Variants in TUBB8 observed in about 807,000 individuals in gnomAD.
TUBB8 encodes the protein tubulin beta-8 chain.
Under a neutral mutation model 33.7 loss-of-function variants are expected in TUBB8, and 25 were observed. The observed-to-expected ratio is 0.74, with a 90% CI of 0.54 to 1.04. The LOEUF (loss-of-function observed/expected upper bound fraction) is 1.04. Among genes scored for constraint, TUBB8 ranks in the 50% least tolerant of loss-of-function variants. The pLI is 0.00. For missense variants in TUBB8, 279 were observed against 608.0 expected, an observed-to-expected ratio of 0.46 and a Z score of 5.69; for synonymous variants, 245 against 240.1, an observed-to-expected ratio of 1.02 and a Z score of -0.19.
rs150779790 is a variant in TUBB8, at chr10:47,966, C to A, written c.426G>T (p.Gly142=). ...GAAGGGTACCCATCCCAGACCCAGT[C>A]CCCCCACCCAGGGAGTGGGTCAGCT... ...GFQLTHSLGG[G]TGSGMGTLLL... Residue 142 remains glycine, a synonymous_variant, in exon 4 of 4, where the codon GGG becomes GGT. Transcript: ENST00000568584. The A allele has an allele frequency of 6.9e-5, 111 of 1,614,082 alleles. No individual in the cohort carries two copies. The African/African-American group carries it at 1.3e-3, about 19-fold the overall frequency.
chr10:67,447 T>TG (rs1325447440), intron 1 of TUBB8, among the ~76,000 whole-genome samples: 4 of 152,176 alleles, frequency 2.6e-5, no homozygotes, highest in Non-Finnish European at 4.4e-5. Context: ...TTTCCAGAGA[T>TG]GGGGTCTCAC....
chr10:61,815 C>T (rs781858061), intron 1 of TUBB8, among the ~76,000 whole-genome samples: 3 of 139,304 alleles, frequency 2.2e-5, no homozygotes, highest in Non-Finnish European at 3.2e-5. Context: ...ATATCCTCTT[C>T]AAGAATTGAT....
chr10:52,550 A>G (rs1345264414), upstream of TUBB8, among the ~76,000 whole-genome samples: 2 of 152,266 alleles, frequency 1.3e-5, no homozygotes, highest in African/African-American at 4.8e-5. Context: ...TATAAAGAGA[A>G]AGAGTTATAA....
chr10:64,295 AACCC>A (rs1834640110), intron 1 of TUBB8, among the ~76,000 whole-genome samples: 7 of 133,996 alleles, frequency 5.2e-5, no homozygotes, highest in Non-Finnish European at 1.0e-4. Context: ...CCCTAACCCT[AACCC>A]TAACCCCAAA....
At chr10:65,961 T>C (rs1834665393) in intron 1 of TUBB8, among the ~76,000 whole-genome samples, 1 of 152,216 alleles carries the variant, frequency 6.6e-6, no homozygotes, top group Non-Finnish European at 1.5e-5. Flanking sequence ...GTCAACACCA[T>C]TTCATCATAA....
At chr10:52,444 AAAG>A (rs1834480492), upstream of TUBB8, among the ~76,000 whole-genome samples, 1 of 152,236 alleles carries the variant, frequency 6.6e-6, no homozygotes, top group African/African-American at 2.4e-5. Flanking sequence ...GAGCACAGTG[AAAG>A]AAGCAAGTTT....
At chr10:59,391 G>A (rs1267440539) in intron 1 of TUBB8, among the ~76,000 whole-genome samples, 2 of 152,120 alleles carry the variant, frequency 1.3e-5, no homozygotes, top group South Asian at 2.1e-4. Flanking sequence ...GTTTTGCCAC[G>A]TTGGCCAGGC....
chr10:53,591 T>G (rs1834494437), upstream of TUBB8, among the ~76,000 whole-genome samples: 4 of 152,188 alleles, frequency 2.6e-5, no homozygotes, highest in South Asian at 8.3e-4. Context: ...AGGCCATACC[T>G]CTTAGTTTCA....
At chr10:48,783 G>A (rs1834412821) in intron 2 of TUBB8, 21 bp downstream of exon 2, 1 of 1,610,358 alleles carries the variant, frequency 6.2e-7, no homozygotes, top group Non-Finnish European at 8.5e-7. Flanking sequence ...GAGGGCGGTG[G>A]GGGAAGGACG....
chr10:48,766 T>A, intron 2 of TUBB8, 38 bp downstream of exon 2: 1 of 1,607,646 alleles, frequency 6.2e-7, no homozygotes, highest in South Asian at 1.1e-5. Context: ...GAGGGCCGCG[T>A]TCCCAGGAGG....
At chr10:68,668 T>C (rs1225693810) in intron 1 of TUBB8, among the ~76,000 whole-genome samples, 1 of 152,232 alleles carries the variant, frequency 6.6e-6, no homozygotes, top group Non-Finnish European at 1.5e-5. Flanking sequence ...AACTTATCCC[T>C]TCTCTTAGAT....
At chr10:61,977 A>T (rs1834607958) in intron 1 of TUBB8, among the ~76,000 whole-genome samples, 1 of 141,692 alleles carries the variant, frequency 7.1e-6, no homozygotes, top group Admixed American at 7.4e-5. Flanking sequence ...TTCAGTCTAA[A>T]TGTATCTTTA....
At chr10:75,247 G>A (rs1288651133), upstream of TUBB8, among the ~76,000 whole-genome samples, 1 of 152,036 alleles carries the variant, frequency 6.6e-6, no homozygotes, top group Non-Finnish European at 1.5e-5. Flanking sequence ...TACTTGGGAG[G>A]CTGAGGCCGG....
chr10:56,361 T>A (rs1181204607), intron 1 of TUBB8, among the ~76,000 whole-genome samples: 1 of 152,232 alleles, frequency 6.6e-6, no homozygotes, highest in Non-Finnish European at 1.5e-5. Flanking sequence ...TTACTTCTAA[T>A]AGTTTTTTGA....
At chr10:68,548 A>G (rs2130950277) in intron 1 of TUBB8, among the ~76,000 whole-genome samples, 1 of 152,312 alleles carries the variant, frequency 6.6e-6, no homozygotes, top group East Asian at 1.9e-4. Context: ...CTCTGTAGTG[A>G]AGTTTGATGC....
chr10:75,976 A>G (rs1450509666), upstream of TUBB8, among the ~76,000 whole-genome samples: 40 of 151,712 alleles, frequency 2.6e-4, no homozygotes, highest in African/African-American at 8.0e-4. Context: ...CGTCTCAACT[A>G]AAAATAGAAA....
At chr10:71,322 A>T (rs1554742283) in intron 1 of TUBB8, among the ~76,000 whole-genome samples, 1 of 152,104 alleles carries the variant, frequency 6.6e-6, no homozygotes, top group African/African-American at 2.4e-5. Flanking sequence ...CTCAAAAAAA[A>T]AGAAAAAGAA....
At chr10:76,256 A>G (rs1421262409), upstream of TUBB8, among the ~76,000 whole-genome samples, 3 of 150,026 alleles carry the variant, frequency 2.0e-5, no homozygotes, top group Admixed American at 6.7e-5. Context: ...CGGCCTCTCC[A>G]CGTTCCTCCT....
At chr10:48,465 GGA>G (rs1834401469) in intron 3 of TUBB8, 148 bp downstream of exon 3, 1 of 768,386 alleles carries the variant, frequency 1.3e-6, no homozygotes, top group Non-Finnish European at 2.2e-6. Flanking sequence ...AGCCCATTTA[GGA>G]GAGGCAGATT....
Sources: gnomAD v4.1 joint callset for allele counts (sites outside exome capture counted in the v4.1 genomes callset) on GRCh38, gnomAD v4.1.1 for gene constraint, MANE v1.5 for transcripts, NCBI Gene and HGNC (gene_info 2026-07-23, HGNC 2026-07-21) for gene names.